VPS54: variants seen among roughly 807,000 people sequenced by gnomAD.
VPS54 encodes the protein vacuolar protein sorting-associated protein 54.
Under a neutral mutation model 121.5 loss-of-function variants are expected in VPS54, and 45 were observed. The ratio of observed to expected loss-of-function variants is 0.37; its 90% CI spans 0.29 to 0.47. VPS54 has a LOEUF of 0.47. Among genes scored for constraint, VPS54 ranks in the 20% least tolerant of loss-of-function variants. The pLI is 0.99. For synonymous variants in VPS54, 371 were observed against 385.8 expected (o/e 0.96, Z 0.45); for missense variants, 1,090 against 1,131.4 (o/e 0.96, Z 0.52).
At chr2:63,912,700 A>G in intron 18 of VPS54, 39 bp from the exon 19 acceptor site, 1 of 1,534,272 alleles carries the variant, frequency 6.5e-7, no homozygotes, top group East Asian at 2.4e-5. Context: ...GGAGAAATAA[A>G]AAAAAAAAAG....
At position 63,962,038 on chromosome 2, in the gene VPS54, G is replaced by C. The variant is rs1417849487; in HGVS notation, c.1010+20C>G. 6.6e-7 allele frequency: 1 copy of C among 1,504,526 alleles called. No individual in the cohort carries two copies. The highest frequency in any genetic ancestry group is 8.9e-7 in the Non-Finnish European group (1 of 1,122,822). 93.2% of individuals were successfully genotyped at this position (1,504,526 alleles called of 1,614,324 possible). On this transcript the variant is annotated intron_variant, in intron 7 of 22. Coordinates refer to ENST00000272322, the MANE Select transcript of VPS54 (RefSeq NM_016516.3). ...AAAAATTTCTAACATTATTTCTAGT[G>C]GCTTACTTAATGAACATACCGGAAA...
chr2:63,975,057 CT>C, intron 3 of VPS54: 1 of 1,537,538 alleles, frequency 6.5e-7, no homozygotes, highest in Non-Finnish European at 8.8e-7. Context: ...TTTTTTTTTT[CT>C]TTTTTGAGAC....
chr2:63,951,210 T>TTC (rs1235842899), intron 7 of VPS54, among the ~76,000 whole-genome samples: 1 of 150,368 alleles, frequency 6.7e-6, no homozygotes, highest in African/African-American at 2.4e-5. Context: ...ATTTCCCTTT[T>TTC]TTTTTTTTTT....
chr2:63,901,484 A>G (rs1672677245), intron 20 of VPS54, among the ~76,000 whole-genome samples: 1 of 152,240 alleles, frequency 6.6e-6, no homozygotes, highest in Admixed American at 6.5e-5. Flanking sequence ...GTTTTACTTC[A>G]CGGCCTCCAG....
intron 7 of VPS54, among the ~76,000 whole-genome samples, chr2:63,952,250 T>C (rs1173109660): frequency 3.9e-5 from 6 of 152,172 alleles, no homozygotes; most frequent in Non-Finnish European, 5.9e-5. Flanking sequence ...TACTTTCAAA[T>C]AGCTGTGTAA....
intron 10 of VPS54, 21 bp downstream of exon 10, chr2:63,944,579 A>C (rs1235740891): frequency 3.1e-6 from 5 of 1,590,226 alleles, no homozygotes; most frequent in Non-Finnish European, 4.3e-6. Flanking sequence ...GATAACCACC[A>C]ACCTATATAT....
intron 18 of VPS54, 86 bp from the exon 19 acceptor site, chr2:63,912,747 A>G (rs967884212): frequency 6.8e-7 from 1 of 1,468,276 alleles, no homozygotes; most frequent in Non-Finnish European, 9.1e-7. Context: ...AAATCAAATA[A>G]AAAACATCAC....
intron 22 of VPS54, among the ~76,000 whole-genome samples, chr2:63,895,866 G>T (rs1043267402): frequency 6.6e-6 from 1 of 152,198 alleles, no homozygotes; most frequent in African/African-American, 2.4e-5. Flanking sequence ...AGAAAGAAAA[G>T]TAACAGCTAA....
intron 20 of VPS54, among the ~76,000 whole-genome samples, chr2:63,902,758 C>G (rs1350661301): frequency 6.6e-6 from 1 of 152,124 alleles, no homozygotes; most frequent in Non-Finnish European, 1.5e-5. Context: ...CACCTGAAGT[C>G]AGGAGTTCAG....
At chr2:63,944,763 C>T (rs1041545743) in intron 9 of VPS54, 108 bp from the exon 10 acceptor site, 1 of 866,554 alleles carries the variant, frequency 1.2e-6, no homozygotes. Context: ...TATGAACAGA[C>T]ACTTTTCAAA....
At chr2:63,921,140 A>T in intron 13 of VPS54, 66 bp downstream of exon 13, 1 of 1,500,498 alleles carries the variant, frequency 6.7e-7, no homozygotes, top group Non-Finnish European at 9.0e-7. Flanking sequence ...CAGGAAGCAA[A>T]GACATAATTC....
intron 11 of VPS54, among the ~76,000 whole-genome samples, chr2:63,938,187 A>G (rs549364706): frequency 1.6e-4 from 24 of 151,838 alleles, no homozygotes; most frequent in Admixed American, 8.5e-4. Flanking sequence ...GACTGGTCTC[A>G]AACTCTGGTC....
At chr2:63,963,263 A>G (rs1286045261) in intron 6 of VPS54, among the ~76,000 whole-genome samples, 1 of 152,080 alleles carries the variant, frequency 6.6e-6, no homozygotes. Flanking sequence ...TAGCTCATAT[A>G]TATTTTTTTA....
chr2:63,920,778 T>A (rs956157026), intron 13 of VPS54, 151 bp from the exon 14 acceptor site: 3 of 410,058 alleles, frequency 7.3e-6, no homozygotes, highest in African/African-American at 2.1e-5. Context: ...ATGAAATGCT[T>A]AAGAGGTCCA....
At chr2:63,920,243 A>G (rs78942755) in intron 14 of VPS54, among the ~76,000 whole-genome samples, 5,008 of 152,214 alleles carry the variant, frequency 0.033, 193 homozygotes, top group African/African-American at 0.097. Flanking sequence ...GATCTTCCTG[A>G]TAAGTACTTT....
At chr2:63,976,795 C>A (rs1219609232) in intron 3 of VPS54, among the ~76,000 whole-genome samples, 1 of 144,554 alleles carries the variant, frequency 6.9e-6, no homozygotes, top group Non-Finnish European at 1.5e-5. Flanking sequence ...GCCCCTCTTT[C>A]ATTTTTGATA....
intron 1 of VPS54, among the ~76,000 whole-genome samples, chr2:64,018,251 A>G (rs762486849): frequency 6.6e-6 from 1 of 152,188 alleles, no homozygotes; most frequent in African/African-American, 2.4e-5. Context: ...TAGAAGAAAA[A>G]AATTTTTTTT....
chr2:64,007,352 T>C (rs893902940), intron 1 of VPS54, among the ~76,000 whole-genome samples: 3 of 152,142 alleles, frequency 2.0e-5, no homozygotes, highest in Non-Finnish European at 2.9e-5. Flanking sequence ...CATCTGAGCA[T>C]AGGTCAAAGT....
chr2:63,893,670 A>C, intron 22 of VPS54, 135 bp from the exon 23 acceptor site: 1 of 696,066 alleles, frequency 1.4e-6, no homozygotes, highest in Admixed American at 3.1e-5. Flanking sequence ...CAAATACTTT[A>C]CTTAGCAGGA....
Sources: gnomAD v4.1 joint callset for allele counts (sites outside exome capture counted in the v4.1 genomes callset) on GRCh38, gnomAD v4.1.1 for gene constraint, MANE v1.5 for transcripts, NCBI Gene and HGNC (gene_info 2026-07-23, HGNC 2026-07-21) for gene names.